The following FHIT variants were observed in gnomAD, a reference collection of about 807,000 sequenced individuals.
FHIT encodes bis(5'-adenosyl)-triphosphatase.
FHIT carries 19 observed loss-of-function variants against 17.9 expected under a neutral mutation model. The observed-to-expected ratio is 1.06, with a 90% CI of 0.74 to 1.56. FHIT has a LOEUF of 1.56. Ranked by LOEUF, FHIT falls within the 40% of genes most tolerant of loss-of-function variation. FHIT has a pLI of 0.00. For missense variants in FHIT, 248 were observed against 189.2 expected, an observed-to-expected ratio of 1.31 and a Z score of -1.82; for synonymous variants, 81 against 69.7, an observed-to-expected ratio of 1.16 and a Z score of -0.81.
chr3:60,755,749 T>C (rs1553718095), intron 4 of FHIT, among the ~76,000 whole-genome samples: 2 of 152,150 alleles, frequency 1.3e-5, no homozygotes, highest in Admixed American at 1.3e-4. Context: ...TATTTAGAAA[T>C]TTAGAGACAT....
intron 4 of FHIT, among the ~76,000 whole-genome samples, chr3:60,753,997 G>T (rs1018317261): frequency 3.9e-5 from 6 of 152,054 alleles, no homozygotes; most frequent in African/African-American, 4.8e-5. Flanking sequence ...CCCAGCAAAA[G>T]GAAAAGGTCA....
chr3:60,033,163 A>T (rs115361100), intron 5 of FHIT, among the ~76,000 whole-genome samples: 2 of 152,190 alleles, frequency 1.3e-5, no homozygotes, highest in African/African-American at 4.8e-5. Context: ...CAGTCAAAGA[A>T]CTTGACTACT....
chr3:60,030,431 G>A (rs1010467627), intron 5 of FHIT, among the ~76,000 whole-genome samples: 1 of 152,128 alleles, frequency 6.6e-6, no homozygotes, highest in Admixed American at 6.6e-5. Flanking sequence ...TGGATCCAAA[G>A]ACCAGCATAT....
intron 1 of FHIT, among the ~76,000 whole-genome samples, chr3:61,216,874 C>G (rs1246071053): frequency 6.6e-6 from 1 of 151,980 alleles, no homozygotes; most frequent in Non-Finnish European, 1.5e-5. Flanking sequence ...AATCATCATT[C>G]TCAGTAAACT....
intron 3 of FHIT, among the ~76,000 whole-genome samples, chr3:61,039,892 G>A (rs1213913543): frequency 6.6e-6 from 1 of 152,100 alleles, no homozygotes; most frequent in African/African-American, 2.4e-5. Flanking sequence ...TATCAACTGT[G>A]GGCCACAACA....
At chr3:60,860,391 A>G (rs1553751370) in intron 3 of FHIT, among the ~76,000 whole-genome samples, 1 of 144,346 alleles carries the variant, frequency 6.9e-6, no homozygotes, top group Non-Finnish European at 1.5e-5. Context: ...GACATACATC[A>G]TATGTATATA....
chr3:61,113,595 AT>A (rs1028931229), intron 2 of FHIT, among the ~76,000 whole-genome samples: 3 of 152,048 alleles, frequency 2.0e-5, no homozygotes, highest in Non-Finnish European at 4.4e-5. Flanking sequence ...CACCTGGGTT[AT>A]TTCCTAGTTC....
intron 1 of FHIT, among the ~76,000 whole-genome samples, chr3:61,234,972 T>A (rs1347246133): frequency 6.6e-6 from 1 of 152,242 alleles, no homozygotes; most frequent in East Asian, 1.9e-4. Context: ...TTGATACTGC[T>A]AATTTGAGAA....
chr3:60,156,590 A>AT (rs55902428), intron 5 of FHIT, among the ~76,000 whole-genome samples: 16,536 of 150,918 alleles, frequency 0.11, 1,223 homozygotes, highest in East Asian at 0.31. Context: ...CTCTATAAAA[A>AT]TTTTTTTTTA....
At chr3:60,278,532 A>G (rs1707279517) in intron 5 of FHIT, among the ~76,000 whole-genome samples, 1 of 152,144 alleles carries the variant, frequency 6.6e-6, no homozygotes, top group Non-Finnish European at 1.5e-5. Flanking sequence ...CACCACGTGA[A>G]GAGGTCTTTG....
rs1450269120 is a variant in FHIT, at chr3:60,682,155, T to A, written c.-18+139764A>T. 2.6e-5 allele frequency among the ~76,000 whole-genome samples: 4 copies of A among 152,152 alleles called. No individual in the cohort carries two copies. In the East Asian group the frequency reaches 7.7e-4, roughly 29 times the overall value. ...CCCTGCTAATTTTTTGTATTTTTAG[T>A]AGAGACATGGTTTCCCCATGTTGGC... On this transcript the variant is annotated intron_variant, in intron 4 of 9. Coordinates refer to ENST00000492590, the MANE Select transcript of FHIT (RefSeq NM_002012.4).
chr3:60,213,663 T>A (rs999432442), intron 5 of FHIT, among the ~76,000 whole-genome samples: 1 of 152,164 alleles, frequency 6.6e-6, no homozygotes, highest in African/African-American at 2.4e-5. Context: ...TACCATAACA[T>A]CTCCTAAATA....
chr3:60,560,688 C>T (rs934911088), intron 4 of FHIT, among the ~76,000 whole-genome samples: 1 of 151,952 alleles, frequency 6.6e-6, no homozygotes, highest in African/African-American at 2.4e-5. Flanking sequence ...CAACCACAAG[C>T]AGGTACCACA....
intron 5 of FHIT, among the ~76,000 whole-genome samples, chr3:60,118,732 G>GGCGTGGTGACTCAT (rs138027363): frequency 0.28 from 38,247 of 138,568 alleles, 5,983 homozygotes; most frequent in Non-Finnish European, 0.36. Context: ...TCAGGGTCCG[G>GGCGTGGTGACTCAT]GCCTGTAATC....
At chr3:59,854,476 G>T (rs933585826) in intron 8 of FHIT, among the ~76,000 whole-genome samples, 4 of 152,122 alleles carry the variant, frequency 2.6e-5, no homozygotes, top group Non-Finnish European at 5.9e-5. Flanking sequence ...ATTCTACCTC[G>T]TGAAGTGTCA....
At chr3:61,146,760 T>C (rs1361825622) in intron 2 of FHIT, among the ~76,000 whole-genome samples, 1 of 151,974 alleles carries the variant, frequency 6.6e-6, no homozygotes, top group Non-Finnish European at 1.5e-5. Context: ...TTCCTCAGGG[T>C]ATATGCAAAG....
chr3:59,942,621 A>T (rs1239470681), intron 7 of FHIT, among the ~76,000 whole-genome samples: 1 of 151,954 alleles, frequency 6.6e-6, no homozygotes, highest in Non-Finnish European at 1.5e-5. Flanking sequence ...CCTCTCCCAT[A>T]CTTAGCTGTC....
intron 4 of FHIT, among the ~76,000 whole-genome samples, chr3:60,672,254 T>C (rs2040523751): frequency 1.3e-5 from 2 of 152,108 alleles, no homozygotes; most frequent in African/African-American, 2.4e-5. Context: ...GTGAGCAACA[T>C]GGCTGTTTAT....
At chr3:60,151,425 A>T (rs1471023937) in intron 5 of FHIT, among the ~76,000 whole-genome samples, 4 of 152,176 alleles carry the variant, frequency 2.6e-5, no homozygotes, top group African/African-American at 9.7e-5. Context: ...CCTCCTAATC[A>T]GTCCAAACTT....
Sources: allele counts gnomAD v4.1 joint callset (sites outside exome capture counted in the v4.1 genomes callset), GRCh38; gene constraint gnomAD v4.1.1; transcripts MANE v1.5; gene names NCBI Gene and HGNC (gene_info 2026-07-23, HGNC 2026-07-21).